The following DSCAM variants were observed in gnomAD, a reference collection of about 807,000 sequenced individuals.
DSCAM encodes the protein DS cell adhesion molecule, also known as cell adhesion molecule DSCAM.
In DSCAM, 47 loss-of-function variants were observed where a neutral mutation model predicts 217.7. The ratio of observed to expected loss-of-function variants is 0.22; its 90% CI spans 0.17 to 0.28. The LOEUF (loss-of-function observed/expected upper bound fraction) is 0.28. Among genes scored for constraint, DSCAM ranks in the 10% least tolerant of loss-of-function variants. The pLI is 1.00. For synonymous variants in DSCAM, 1,056 were observed against 1,015.3 expected (o/e 1.04, Z -0.76); for missense variants, 2,080 against 2,618.3 (o/e 0.79, Z 4.49).
At chr21:40,175,085 A>C (rs1250560996) in intron 15 of DSCAM, among the ~76,000 whole-genome samples, 1 of 152,134 alleles carries the variant, frequency 6.6e-6, no homozygotes, top group Non-Finnish European at 1.5e-5. Context: ...AAACTGCATG[A>C]CTTATACACC....
At chr21:40,211,341 T>C (rs1601444941) in intron 11 of DSCAM, among the ~76,000 whole-genome samples, 1 of 152,334 alleles carries the variant, frequency 6.6e-6, no homozygotes, top group South Asian at 2.1e-4. Flanking sequence ...AAAGCTGCTA[T>C]GGATATTTTT....
At chr21:40,063,076 C>T (rs1210783687) in intron 27 of DSCAM, among the ~76,000 whole-genome samples, 177 bp from the exon 28 acceptor site, 1 of 152,168 alleles carries the variant, frequency 6.6e-6, no homozygotes, top group Non-Finnish European at 1.5e-5. Flanking sequence ...CTAAATGGGA[C>T]TTTTAAAATG....
At chr21:40,825,106 G>GTT (rs147673089) in intron 1 of DSCAM, among the ~76,000 whole-genome samples, 1 of 151,656 alleles carries the variant, frequency 6.6e-6, no homozygotes, top group African/African-American at 2.4e-5. Flanking sequence ...TTAATATAGT[G>GTT]TTTTTTTCTC....
intron 1 of DSCAM, among the ~76,000 whole-genome samples, chr21:40,767,644 G>T (rs2091405233): frequency 6.6e-6 from 1 of 152,194 alleles, no homozygotes; most frequent in Non-Finnish European, 1.5e-5. Context: ...AGAGACCCCA[G>T]GGTGGGAGCA....
intron 3 of DSCAM, among the ~76,000 whole-genome samples, chr21:40,507,092 CA>C (rs973455093): frequency 9.9e-5 from 15 of 152,070 alleles, no homozygotes; most frequent in African/African-American, 3.6e-4. Context: ...GCCTGACCAA[CA>C]TGGTGAAAAC....
At position 40,740,670 on chromosome 21, in the gene DSCAM, C is replaced by A. The variant is rs1034416718; in HGVS notation, c.44-31899G>T. ...TCTGGAAGGAGTCAAGGTCTTTGAC[C>A]CAAGTAAGGCAGGCTAACAACCATA... On this transcript the variant is annotated intron_variant, in intron 1 of 32. Coordinates refer to ENST00000400454, the MANE Select transcript of DSCAM (RefSeq NM_001389.5). Among the ~76,000 whole-genome samples the A allele has an allele frequency of 3.8e-4, 58 of 152,018 alleles. 1 individual carries two copies. Among genetic ancestry groups the A allele is most frequent in the Admixed American group, 3.4e-3 (52 of 15,264 alleles).
intron 9 of DSCAM, among the ~76,000 whole-genome samples, chr21:40,296,831 CAAAAAAAAA>C (rs58219836): frequency 3.7e-5 from 2 of 53,806 alleles, no homozygotes; most frequent in African/African-American, 1.2e-4. Context: ...AACTCCATCT[CAAAAAAAAA>C]AAAAAAAAAA....
At chr21:40,360,597 G>GA (rs1450464096) in intron 4 of DSCAM, among the ~76,000 whole-genome samples, 4 of 152,050 alleles carry the variant, frequency 2.6e-5, no homozygotes, top group Non-Finnish European at 5.9e-5. Context: ...AATTTACTAA[G>GA]AATTATGGCC....
intron 3 of DSCAM, among the ~76,000 whole-genome samples, chr21:40,651,877 C>T (rs1001721933): frequency 6.6e-6 from 1 of 152,206 alleles, no homozygotes; most frequent in Non-Finnish European, 1.5e-5. Context: ...GAGATAAAGA[C>T]ATTTTTTAAA....
chr21:40,815,210 T>C (rs953668565), intron 1 of DSCAM, among the ~76,000 whole-genome samples: 1 of 151,962 alleles, frequency 6.6e-6, no homozygotes, highest in Non-Finnish European at 1.5e-5. Flanking sequence ...TGTTTGTACA[T>C]GATGAAGGGC....
At chr21:40,368,039 A>G (rs1016265548) in intron 4 of DSCAM, among the ~76,000 whole-genome samples, 11 of 152,212 alleles carry the variant, frequency 7.2e-5, no homozygotes, top group African/African-American at 2.7e-4. Context: ...GCATGAAGAT[A>G]AAAAAGGTCA....
chr21:40,203,096 T>C (rs574516616), intron 11 of DSCAM, among the ~76,000 whole-genome samples: 46 of 152,324 alleles, frequency 3.0e-4, no homozygotes, highest in African/African-American at 9.9e-4. Flanking sequence ...AATGGCTTGT[T>C]CAAGATCACA....
chr21:40,778,353 T>C (rs1301907748), intron 1 of DSCAM, among the ~76,000 whole-genome samples: 1 of 152,224 alleles, frequency 6.6e-6, no homozygotes, highest in African/African-American at 2.4e-5. Flanking sequence ...TTTTGTTTGA[T>C]TGTTTCTTTG....
chr21:40,020,912 G>C (rs930509990), intron 32 of DSCAM, among the ~76,000 whole-genome samples: 1 of 152,160 alleles, frequency 6.6e-6, no homozygotes, highest in Admixed American at 6.5e-5. Flanking sequence ...TGAGGCCAAT[G>C]CCCTTCCTGT....
intron 32 of DSCAM, among the ~76,000 whole-genome samples, chr21:40,036,561 A>G (rs1484233279): frequency 1.1e-4 from 17 of 147,878 alleles, no homozygotes; most frequent in Non-Finnish European, 2.1e-4. Context: ...GACCAGATGG[A>G]TTCACAGCCG....
chr21:40,839,080 A>G (rs1456914233), intron 1 of DSCAM, among the ~76,000 whole-genome samples: 6 of 152,226 alleles, frequency 3.9e-5, no homozygotes, highest in Non-Finnish European at 8.8e-5. Context: ...ACACACATAC[A>G]AAATCCATGA....
At chr21:40,486,775 G>T (rs2076031996) in intron 3 of DSCAM, among the ~76,000 whole-genome samples, 1 of 152,116 alleles carries the variant, frequency 6.6e-6, no homozygotes, top group African/African-American at 2.4e-5. Context: ...TCCTTGAATG[G>T]CTCAAGCTTG....
chr21:40,079,299 T>G (rs1207341083), intron 25 of DSCAM, among the ~76,000 whole-genome samples: 1 of 152,164 alleles, frequency 6.6e-6, no homozygotes, highest in Non-Finnish European at 1.5e-5. Context: ...TGCTGGGCAC[T>G]TTTTCCATCC....
At chr21:40,056,237 T>G (rs901443334) in intron 28 of DSCAM, among the ~76,000 whole-genome samples, 3 of 152,146 alleles carry the variant, frequency 2.0e-5, no homozygotes, top group Non-Finnish European at 4.4e-5. Flanking sequence ...ATTCCAAAGA[T>G]GGTGAGGGAA....
Sources: allele counts gnomAD v4.1 joint callset (sites outside exome capture counted in the v4.1 genomes callset), GRCh38; gene constraint gnomAD v4.1.1; transcripts MANE v1.5; gene names NCBI Gene and HGNC (gene_info 2026-07-23, HGNC 2026-07-21).